PDE4D: variants seen among roughly 807,000 people sequenced by gnomAD.
The protein encoded by PDE4D is 3',5'-cyclic-AMP phosphodiesterase 4D.
PDE4D carries 24 observed loss-of-function variants against 87.4 expected under a neutral mutation model. The observed-to-expected ratio is 0.27, with a 90% CI of 0.20 to 0.39. The LOEUF (loss-of-function observed/expected upper bound fraction) is 0.39, where lower values mean the gene tolerates loss of function less well. PDE4D is among the 10% of genes least tolerant of loss of function. The pLI is 1.00. For missense variants in PDE4D, 714 were observed against 1,041.0 expected (o/e 0.69, Z 4.32); for synonymous variants, 384 against 383.2 (o/e 1.00, Z -0.02).
intron 1 of PDE4D, among the ~76,000 whole-genome samples, chr5:59,532,402 T>G (rs1001673936): frequency 3.9e-5 from 6 of 152,128 alleles, no homozygotes; most frequent in African/African-American, 1.4e-4. Context: ...CCTCCCAAAG[T>G]GTTGAGATTA....
At chr5:60,297,760 T>C (rs1462554545) in intron 1 of PDE4D, among the ~76,000 whole-genome samples, 2 of 152,202 alleles carry the variant, frequency 1.3e-5, no homozygotes, top group Non-Finnish European at 2.9e-5. Flanking sequence ...AGAATTTCTA[T>C]TCCCAGCCAC....
At chr5:59,866,299 T>C (rs913816385) in intron 1 of PDE4D, among the ~76,000 whole-genome samples, 4 of 152,208 alleles carry the variant, frequency 2.6e-5, no homozygotes, top group African/African-American at 9.6e-5. Context: ...ATTTTCACCT[T>C]GGCACAGAGA....
chr5:59,532,112 C>T lies in PDE4D; in HGVS notation c.456-316144G>A, dbSNP rs778097915. Among the ~76,000 whole-genome samples the T allele has an allele frequency of 1.4e-4, 21 of 152,124 alleles. No homozygotes were observed. In the East Asian group the frequency reaches 1.5e-3, roughly 11 times the overall value. ...GACAAACACATATTTGAAGTGCAGG[C>T]GCTAGACATAGACCCTTACTAGATT... is the stretch of plus-strand genomic sequence containing the variant. On this transcript the variant is annotated intron_variant, in intron 1 of 14. Coordinates refer to ENST00000340635, the MANE Select transcript of PDE4D (RefSeq NM_001104631.2).
At chr5:60,479,032 T>C (rs1224034417) in intron 1 of PDE4D, among the ~76,000 whole-genome samples, 1 of 152,152 alleles carries the variant, frequency 6.6e-6, no homozygotes, top group Non-Finnish European at 1.5e-5. Context: ...GCAAGGAAAC[T>C]GAGGCTGGCG....
At chr5:59,111,802 C>T (rs1772692093) in intron 5 of PDE4D, among the ~76,000 whole-genome samples, 1 of 152,194 alleles carries the variant, frequency 6.6e-6, no homozygotes, top group African/African-American at 2.4e-5. Flanking sequence ...GAAGCCAAAT[C>T]ATCTGTGTAA....
intron 3 of PDE4D, among the ~76,000 whole-genome samples, chr5:59,903,493 G>A (rs1236280402): frequency 1.3e-5 from 2 of 152,100 alleles, no homozygotes; most frequent in East Asian, 3.8e-4. Flanking sequence ...GACAGAGCAG[G>A]CAGGATACCT....
intron 1 of PDE4D, among the ~76,000 whole-genome samples, chr5:60,350,909 A>G (rs1449978640): frequency 6.6e-6 from 1 of 152,068 alleles, no homozygotes; most frequent in Non-Finnish European, 1.5e-5. Flanking sequence ...TGCTATAGGC[A>G]TTTATCTGAG....
chr5:58,993,347 T>A (rs746128645), intron 7 of PDE4D, 25 bp downstream of exon 7: 4 of 1,375,348 alleles, frequency 2.9e-6, no homozygotes, highest in Non-Finnish European at 3.0e-6. Flanking sequence ...AAGAAAAAAA[T>A]TTAATTGCAT....
At chr5:59,734,005 G>A (rs1166291828) in intron 1 of PDE4D, among the ~76,000 whole-genome samples, 1 of 151,784 alleles carries the variant, frequency 6.6e-6, no homozygotes, top group Non-Finnish European at 1.5e-5. Flanking sequence ...CAGAGTCTAT[G>A]GTATCATAAA....
intron 1 of PDE4D, among the ~76,000 whole-genome samples, chr5:60,460,917 T>C (rs1746883264): frequency 6.6e-6 from 1 of 152,212 alleles, no homozygotes; most frequent in Admixed American, 6.5e-5. Flanking sequence ...CATTCTTAAT[T>C]TTATAAATGC....
chr5:59,569,414 T>C (rs1821451861), intron 1 of PDE4D, among the ~76,000 whole-genome samples: 1 of 152,158 alleles, frequency 6.6e-6, no homozygotes, highest in East Asian at 1.9e-4. Context: ...TGTCCTAAGA[T>C]ACAAAAAAAC....
At chr5:60,164,843 T>A (rs1296747051) in intron 2 of PDE4D, among the ~76,000 whole-genome samples, 1 of 152,196 alleles carries the variant, frequency 6.6e-6, no homozygotes, top group Non-Finnish European at 1.5e-5. Context: ...GTGGAATAGT[T>A]AAATCTAGCT....
At chr5:60,314,627 C>T (rs1755373364) in intron 1 of PDE4D, among the ~76,000 whole-genome samples, 1 of 151,796 alleles carries the variant, frequency 6.6e-6, no homozygotes, top group Non-Finnish European at 1.5e-5. Flanking sequence ...CTAATGCTAT[C>T]CCTCCCCCAC....
At chr5:59,382,580 G>A (rs1029936741) in intron 1 of PDE4D, among the ~76,000 whole-genome samples, 1 of 152,134 alleles carries the variant, frequency 6.6e-6, no homozygotes, top group South Asian at 2.1e-4. Flanking sequence ...AGGGCTGGCA[G>A]TGACATTCTC....
chr5:58,985,512 C>T (rs1012085094), intron 11 of PDE4D, among the ~76,000 whole-genome samples: 13 of 152,306 alleles, frequency 8.5e-5, no homozygotes, highest in African/African-American at 2.9e-4. Flanking sequence ...GGGAACCAGC[C>T]AAGGGAATCC....
At chr5:60,168,493 A>T (rs1215450542) in intron 2 of PDE4D, among the ~76,000 whole-genome samples, 1 of 152,192 alleles carries the variant, frequency 6.6e-6, no homozygotes, top group Non-Finnish European at 1.5e-5. Flanking sequence ...TTCTTCTGTG[A>T]ACCCTCTTCT....
intron 6 of PDE4D, among the ~76,000 whole-genome samples, chr5:59,021,653 G>A (rs1755169221): frequency 6.6e-6 from 1 of 152,100 alleles, no homozygotes; most frequent in Admixed American, 6.5e-5. Flanking sequence ...GGAAAACAGA[G>A]GCTCAGGGAG....
intron 2 of PDE4D, among the ~76,000 whole-genome samples, chr5:59,196,350 C>T (rs570257736): frequency 8.5e-5 from 13 of 152,224 alleles, no homozygotes; most frequent in Admixed American, 3.9e-4. Context: ...TCCTATGGAA[C>T]AGCTTAAAAA....
intron 1 of PDE4D, among the ~76,000 whole-genome samples, chr5:59,330,763 T>C (rs1366392320): frequency 6.6e-6 from 1 of 152,208 alleles, no homozygotes; most frequent in Admixed American, 6.6e-5. Context: ...TTGGTTATGT[T>C]GTTTCAGCTA....
Sources: gnomAD v4.1 joint callset for allele counts (sites outside exome capture counted in the v4.1 genomes callset) on GRCh38, gnomAD v4.1.1 for gene constraint, MANE v1.5 for transcripts, NCBI Gene and HGNC (gene_info 2026-07-23, HGNC 2026-07-21) for gene names.